PPP4R3B: variants seen among roughly 807,000 people sequenced by gnomAD.
The protein encoded by PPP4R3B is protein phosphatase 4 regulatory subunit 3B.
PPP4R3B carries 52 observed loss-of-function variants against 95.4 expected under a neutral mutation model. That is an observed-to-expected ratio of 0.54 (90% CI 0.44 to 0.69). PPP4R3B has a LOEUF of 0.69. PPP4R3B is among the 30% of genes least tolerant of loss of function. The pLI is 0.00. For synonymous variants in PPP4R3B, 407 were observed against 343.9 expected (o/e 1.18, Z -2.03); for missense variants, 1,003 against 1,005.9 (o/e 1.00, Z 0.04).
At chr2:55,575,498 G>A (rs570406994) in intron 11 of PPP4R3B, among the ~76,000 whole-genome samples, 1 of 152,062 alleles carries the variant, frequency 6.6e-6, no homozygotes, top group Admixed American at 6.5e-5. Context: ...CAGGCTGGAG[G>A]GCACTGGTGC....
intron 16 of PPP4R3B, among the ~76,000 whole-genome samples, chr2:55,554,147 C>T (rs867209658): frequency 1.3e-5 from 2 of 152,026 alleles, no homozygotes; most frequent in South Asian, 4.1e-4. Flanking sequence ...TTATTGCAAC[C>T]TCTGCCCGCT....
chr2:55,592,006 C>G (rs1274369300), intron 4 of PPP4R3B, among the ~76,000 whole-genome samples: 1 of 152,040 alleles, frequency 6.6e-6, no homozygotes, highest in Admixed American at 6.6e-5. Flanking sequence ...TAAGTCAAAA[C>G]TTGTGTGGCT....
At chr2:55,609,778 C>T (rs1050651993) in intron 2 of PPP4R3B, among the ~76,000 whole-genome samples, 6 of 151,082 alleles carry the variant, frequency 4.0e-5, no homozygotes, top group South Asian at 2.1e-4. Flanking sequence ...AAACAGTATA[C>T]AGTATGCTAC....
At chr2:55,589,602 C>G (rs1216595581) in intron 4 of PPP4R3B, among the ~76,000 whole-genome samples, 3 of 152,098 alleles carry the variant, frequency 2.0e-5, no homozygotes, top group Non-Finnish European at 4.4e-5. Flanking sequence ...CAGGCGTTGT[C>G]TAAAAGGACA....
chr2:55,549,802 T>C lies in PPP4R3B; in HGVS notation c.*109A>G, dbSNP rs1003786878. The C allele has an allele frequency of 2.6e-4, 217 of 835,732 alleles. No homozygotes were observed. The African/African-American group carries it at 3.3e-3, about 13-fold the overall frequency. 51.8% of individuals were successfully genotyped at this position (835,732 alleles called of 1,614,324 possible). ...CTGATATACTGTCTTTTGCTACTCCTTGTATATTTTATAAGTTCAATTGAG... is the reference window on the plus strand; with the variant it reads ...CTGATATACTGTCTTTTGCTACTCCCTGTATATTTTATAAGTTCAATTGAG... On this transcript the variant is annotated 3_prime_UTR_variant, in exon 17 of 17. Transcript: ENST00000616407.
chr2:55,577,414 C>T, intron 10 of PPP4R3B, 58 bp from the exon 11 acceptor site: 1 of 1,344,918 alleles, frequency 7.4e-7, no homozygotes, highest in African/African-American at 1.5e-5. Context: ...CCCAGATTTC[C>T]CTAGTACTTT....
At chr2:55,552,103 T>C (rs1006668632) in intron 16 of PPP4R3B, among the ~76,000 whole-genome samples, 11 of 152,188 alleles carry the variant, frequency 7.2e-5, no homozygotes, top group African/African-American at 2.7e-4. Flanking sequence ...CTTATACAAT[T>C]TGAGTTTTAC....
intron 12 of PPP4R3B, 57 bp downstream of exon 12, chr2:55,573,548 ATAACTTCAAATGGG>A: frequency 7.4e-7 from 1 of 1,357,504 alleles, no homozygotes; most frequent in Non-Finnish European, 1.0e-6. Flanking sequence ...CTGCTAATAA[ATAACTTCAAATGGG>A]TAACTTCAGT....
At position 55,615,857 on chromosome 2, in the gene PPP4R3B, CAAAAAAAAA is replaced by C. The variant is rs58981030; in HGVS notation, c.143-360_143-352del. ...TGGCAACAGAGCAAGACTCTGTCTC[CAAAAAAAAA>C]AAAAAAAAAAAAAAAATACACATTT... On this transcript the variant is annotated intron_variant, in intron 1 of 16. Transcript: ENST00000616407. Among the ~76,000 whole-genome samples the C allele has an allele frequency of 1.8e-4, 7 of 39,054 alleles. No homozygotes were observed. The Admixed American group carries it at 1.9e-3, about 11-fold the overall frequency. The allele number at this position is 39,054 out of a possible 152,430, so 25.6% of individuals were successfully genotyped here.
At chr2:55,593,889 T>C (rs1468908106) in intron 4 of PPP4R3B, among the ~76,000 whole-genome samples, 2 of 152,144 alleles carry the variant, frequency 1.3e-5, no homozygotes, top group South Asian at 2.1e-4. Context: ...CTATTCATGA[T>C]AGCAAAGTCA....
intron 7 of PPP4R3B, 123 bp from the exon 8 acceptor site, chr2:55,581,821 G>T: frequency 9.7e-7 from 1 of 1,030,476 alleles, no homozygotes; most frequent in Non-Finnish European, 1.3e-6. Flanking sequence ...GAATGGAATA[G>T]CTTATTTAAA....
chr2:55,584,138 C>A (rs576446675), intron 7 of PPP4R3B, among the ~76,000 whole-genome samples: 44 of 152,082 alleles, frequency 2.9e-4, no homozygotes, highest in African/African-American at 9.9e-4. Context: ...AAGAGTGAAC[C>A]TCTGTCTCAA....
At chr2:55,601,433 T>C (rs1032170577) in intron 3 of PPP4R3B, among the ~76,000 whole-genome samples, 1 of 151,016 alleles carries the variant, frequency 6.6e-6, no homozygotes. Flanking sequence ...CAGGCTGGAG[T>C]GCAATGGCGC....
At chr2:55,609,227 T>C (rs537828008) in intron 2 of PPP4R3B, among the ~76,000 whole-genome samples, 3 of 152,202 alleles carry the variant, frequency 2.0e-5, no homozygotes, top group Non-Finnish European at 2.9e-5. Context: ...GGTGTGATCA[T>C]CACGAACTAT....
chr2:55,570,838 T>C (rs1198374912), intron 12 of PPP4R3B, among the ~76,000 whole-genome samples: 1 of 152,184 alleles, frequency 6.6e-6, no homozygotes, highest in Non-Finnish European at 1.5e-5. Context: ...TTCCCTCTTT[T>C]TGTGGCAGGA....
rs142132077 is a variant in PPP4R3B at position 55,599,175 on chromosome 2, C to A, written c.298-136G>T. On this transcript the variant is annotated intron_variant, in intron 3 of 16. Coordinates refer to ENST00000616407, the MANE Select transcript of PPP4R3B (RefSeq NM_001122964.3). ...AGTCTAGGCCAGGCACGGTGGCTCA[C>A]GCCTGTAATCCCAGCACTTTAGGTG... The A allele has an allele frequency of 6.8e-3, 5,427 of 801,480 alleles. 228 individuals carry two copies. In the African/African-American group the frequency reaches 0.084, roughly 12 times the overall value. The allele number at this position is 801,480 out of a possible 1,614,324, so 49.6% of individuals were successfully genotyped here.
intron 5 of PPP4R3B, among the ~76,000 whole-genome samples, chr2:55,587,502 T>A (rs559083597): frequency 8.5e-5 from 13 of 152,320 alleles, no homozygotes; most frequent in African/African-American, 2.9e-4. Flanking sequence ...GAGAAGCGCT[T>A]GAACCCAGGA....
At chr2:55,569,756 G>A (rs187446022) in intron 12 of PPP4R3B, among the ~76,000 whole-genome samples, 55 of 152,206 alleles carry the variant, frequency 3.6e-4, no homozygotes, top group African/African-American at 1.1e-3. Context: ...CGGTCTCCGC[G>A]TCTTGGTGGT....
chr2:55,573,471 C>G (rs1688261065), intron 12 of PPP4R3B, 148 bp downstream of exon 12: 1 of 702,624 alleles, frequency 1.4e-6, no homozygotes. Flanking sequence ...CAACCTAGTC[C>G]TCTTGCCCTT....
Sources: allele counts gnomAD v4.1 joint callset (sites outside exome capture counted in the v4.1 genomes callset), GRCh38; gene constraint gnomAD v4.1.1; transcripts MANE v1.5; gene names NCBI Gene and HGNC (gene_info 2026-07-23, HGNC 2026-07-21).